The following PLD1 variants were observed in gnomAD, a reference collection of about 807,000 sequenced individuals.
PLD1 encodes the protein phospholipase D1, also known as choline phosphatase 1.
A neutral mutation model predicts 137.1 loss-of-function variants in PLD1; 112 were observed. The ratio of observed to expected loss-of-function variants is 0.82; its 90% CI spans 0.70 to 0.96. PLD1 has a LOEUF of 0.96. Among genes scored for constraint, PLD1 ranks in the 40% least tolerant of loss-of-function variants. The probability of loss-of-function intolerance (pLI) is 0.00; values close to 1 mark genes in which losing one functional copy is unlikely to be tolerated. For synonymous variants in PLD1, 431 were observed against 454.7 expected (o/e 0.95, Z 0.66); for missense variants, 1,321 against 1,342.0 (o/e 0.98, Z 0.24).
chr3:171,672,633 A>G (rs1712899671), intron 19 of PLD1, among the ~76,000 whole-genome samples: 1 of 151,766 alleles, frequency 6.6e-6, no homozygotes, highest in African/African-American at 2.4e-5. Context: ...GACCGCAAGC[A>G]TGTGCCACCA....
At chr3:171,698,776 G>T (rs1302789714) in intron 12 of PLD1, among the ~76,000 whole-genome samples, 1 of 149,708 alleles carries the variant, frequency 6.7e-6, no homozygotes, top group Non-Finnish European at 1.5e-5. Flanking sequence ...TGGCCAATGT[G>T]GTGAAACCCC....
chr3:171,726,129 G>T, intron 6 of PLD1, 53 bp from the exon 7 acceptor site: 1 of 1,242,608 alleles, frequency 8.0e-7, no homozygotes, highest in Non-Finnish European at 1.2e-6. Flanking sequence ...TCAAATTTAT[G>T]CATTAAAAAA....
chr3:171,645,099 T>C (rs1039187574), intron 21 of PLD1, 76 bp from the exon 22 acceptor site: 2 of 932,880 alleles, frequency 2.1e-6, no homozygotes, highest in Non-Finnish European at 3.6e-6. Flanking sequence ...GCCAAGCAGT[T>C]CACATGGTTT....
intron 21 of PLD1, among the ~76,000 whole-genome samples, chr3:171,648,623 C>T (rs957172333): frequency 1.3e-5 from 2 of 151,322 alleles, no homozygotes; most frequent in African/African-American, 4.9e-5. Flanking sequence ...GGTGCGATCT[C>T]GGCTCACTGC....
chr3:171,796,328 A>C (rs1723435454), intron 1 of PLD1, among the ~76,000 whole-genome samples: 1 of 152,238 alleles, frequency 6.6e-6, no homozygotes, highest in Non-Finnish European at 1.5e-5. Context: ...AAATATATAC[A>C]TAGAGCACAT....
intron 16 of PLD1, among the ~76,000 whole-genome samples, chr3:171,679,676 C>G (rs1713755521): frequency 6.6e-6 from 1 of 152,170 alleles, no homozygotes; most frequent in South Asian, 2.1e-4. Flanking sequence ...AAAGGAAATT[C>G]TTAGTCTCAG....
At chr3:171,796,922 C>A in intron 1 of PLD1, among the ~76,000 whole-genome samples, 1 of 152,188 alleles carries the variant, frequency 6.6e-6, no homozygotes, top group East Asian at 1.9e-4. Context: ...ATCACTCTTT[C>A]TCTTCCTGCA....
chr3:171,706,383 T>C (rs1009150359), intron 11 of PLD1, among the ~76,000 whole-genome samples: 5 of 152,182 alleles, frequency 3.3e-5, no homozygotes, highest in African/African-American at 7.2e-5. Flanking sequence ...TAAAGAATGT[T>C]GCATTTAAAA....
chr3:171,719,193 A>T (rs1175561566), intron 8 of PLD1, among the ~76,000 whole-genome samples: 1 of 152,024 alleles, frequency 6.6e-6, no homozygotes, highest in Non-Finnish European at 1.5e-5. Context: ...TCTCCTTAAA[A>T]ATCCCTCTAC....
chr3:171,805,702 C>T (rs188408068), intron 1 of PLD1, among the ~76,000 whole-genome samples: 100 of 152,060 alleles, frequency 6.6e-4, no homozygotes, highest in African/African-American at 1.9e-3. Context: ...AGAACAAGGA[C>T]GAAATGGAAA....
rs186186674 is a variant in PLD1 at position 171,618,224 on chromosome 3, T to C, written c.2728+2162A>G. ...GTGTAAGAATTGTGTGCAAAATTGA[T>C]CAAGTATTGCTAAACAAAATAAATT... On this transcript the variant is annotated intron_variant, in intron 24 of 26. Transcript: ENST00000351298. Among the ~76,000 whole-genome samples, 100 of 152,334 alleles carry C rather than the reference T, an allele frequency of 6.6e-4. 1 individual carries two copies. The highest frequency in any genetic ancestry group is 2.4e-3 in the African/African-American group (98 of 41,580).
At chr3:171,631,982 C>T (rs901802129) in intron 23 of PLD1, among the ~76,000 whole-genome samples, 5 of 152,134 alleles carry the variant, frequency 3.3e-5, no homozygotes, top group Non-Finnish European at 7.4e-5. Flanking sequence ...TACTTATATA[C>T]ACCTAAAGTG....
intron 1 of PLD1, among the ~76,000 whole-genome samples, chr3:171,780,274 G>A (rs545503399): frequency 5.3e-5 from 8 of 151,600 alleles, no homozygotes; most frequent in Admixed American, 1.3e-4. Context: ...GTAAGTCTGA[G>A]GACTGGGATT....
intron 12 of PLD1, among the ~76,000 whole-genome samples, chr3:171,695,305 C>T (rs764505578): frequency 6.6e-6 from 1 of 152,132 alleles, no homozygotes; most frequent in Non-Finnish European, 1.5e-5. Context: ...TGCCTAGTGC[C>T]TTTAAATACC....
intron 12 of PLD1, among the ~76,000 whole-genome samples, chr3:171,694,455 G>A (rs1281063728): frequency 6.6e-6 from 1 of 151,700 alleles, no homozygotes; most frequent in East Asian, 1.9e-4. Context: ...CTGATGAAGG[G>A]CTCTAAAGGA....
intron 9 of PLD1, among the ~76,000 whole-genome samples, chr3:171,712,293 C>T (rs1418847338): frequency 2.0e-5 from 3 of 152,104 alleles, no homozygotes; most frequent in South Asian, 2.1e-4. Flanking sequence ...GGTGGAGACA[C>T]GGGTTTCTAG....
intron 1 of PLD1, among the ~76,000 whole-genome samples, chr3:171,747,520 A>G (rs566269863): frequency 2.7e-5 from 4 of 147,736 alleles, no homozygotes; most frequent in Non-Finnish European, 5.9e-5. Context: ...ATTCAACCCT[A>G]CTATGCAACC....
At chr3:171,651,211 A>G (rs1290889448) in intron 21 of PLD1, among the ~76,000 whole-genome samples, 1 of 152,136 alleles carries the variant, frequency 6.6e-6, no homozygotes. Context: ...TTTGAGATTT[A>G]TAGTTTGTAT....
At chr3:171,680,511 G>A (rs911286560) in intron 16 of PLD1, among the ~76,000 whole-genome samples, 1 of 152,008 alleles carries the variant, frequency 6.6e-6, no homozygotes, top group Non-Finnish European at 1.5e-5. Context: ...TGGGATTACA[G>A]GCGTGAGCCA....
Sources: gnomAD v4.1 joint callset for allele counts (sites outside exome capture counted in the v4.1 genomes callset) on GRCh38, gnomAD v4.1.1 for gene constraint, MANE v1.5 for transcripts, NCBI Gene and HGNC (gene_info 2026-07-23, HGNC 2026-07-21) for gene names.